The following PLCB4 variants were observed in gnomAD, a reference collection of about 807,000 sequenced individuals.
PLCB4 encodes phospholipase C beta 4.
In PLCB4, 77 loss-of-function variants were observed where a neutral mutation model predicts 178.8. The ratio of observed to expected loss-of-function variants is 0.43; its 90% CI spans 0.36 to 0.52. The LOEUF (loss-of-function observed/expected upper bound fraction) is 0.52. Ranked by LOEUF, PLCB4 falls within the 20% of genes least tolerant of loss-of-function variation. PLCB4 has a pLI of 0.00. For synonymous variants in PLCB4, 496 were observed against 490.8 expected (o/e 1.01, Z -0.14); for missense variants, 1,024 against 1,453.4 (o/e 0.70, Z 4.80).
intron 2 of PLCB4, among the ~76,000 whole-genome samples, chr20:9,200,292 G>A (rs1277639729): frequency 6.6e-6 from 1 of 152,136 alleles, no homozygotes; most frequent in Non-Finnish European, 1.5e-5. Context: ...ACGTCTGAAT[G>A]CAATCCATCA....
At chr20:9,244,794 A>AC (rs2094107279) in intron 3 of PLCB4, among the ~76,000 whole-genome samples, 1 of 152,234 alleles carries the variant, frequency 6.6e-6, no homozygotes, top group Non-Finnish European at 1.5e-5. Context: ...TTGAATTCTG[A>AC]TAGTAAATAG....
At chr20:9,367,465 T>C (rs1207205090) in intron 9 of PLCB4, among the ~76,000 whole-genome samples, 1 of 152,230 alleles carries the variant, frequency 6.6e-6, no homozygotes, top group Non-Finnish European at 1.5e-5. Flanking sequence ...AGATACTTTA[T>C]GCTTATCCTT....
chr20:9,261,108 C>T (rs2094293031), intron 3 of PLCB4, among the ~76,000 whole-genome samples: 1 of 152,108 alleles, frequency 6.6e-6, no homozygotes, highest in Non-Finnish European at 1.5e-5. Context: ...CAGTGTGCTT[C>T]ATTTTCTAAC....
At chr20:9,158,642 A>G (rs1418133928) in intron 2 of PLCB4, among the ~76,000 whole-genome samples, 1 of 151,994 alleles carries the variant, frequency 6.6e-6, no homozygotes, top group African/African-American at 2.4e-5. Flanking sequence ...TCTATCTTAA[A>G]TGGAAAACTA....
intron 2 of PLCB4, among the ~76,000 whole-genome samples, chr20:9,207,291 AAAG>A (rs2093625603): frequency 6.6e-6 from 1 of 152,230 alleles, no homozygotes; most frequent in East Asian, 1.9e-4. Flanking sequence ...AGGACTGATT[AAAG>A]TATAGTTTTA....
At chr20:9,082,706 AC>A (rs1280018779) in intron 1 of PLCB4, among the ~76,000 whole-genome samples, 2 of 152,078 alleles carry the variant, frequency 1.3e-5, no homozygotes, top group Admixed American at 6.6e-5. Flanking sequence ...GACTTTTTGG[AC>A]CTGTGAGGCC....
At position 9,305,070 on chromosome 20, in the gene PLCB4, T is replaced by C. The variant is rs1041798736; in HGVS notation, c.-15-2730T>C. Among the ~76,000 whole-genome samples, 3 of 136,482 alleles carry C rather than the reference T, an allele frequency of 2.2e-5. No homozygotes were observed. In the East Asian group the frequency reaches 7.0e-4, roughly 32 times the overall value. The allele number at this position is 136,482 out of a possible 152,430, so 89.5% of individuals were successfully genotyped here. A position where few individuals can be genotyped will look rare whatever the true frequency, so the allele number is the denominator to read the frequency against. Reference sequence around the variant, plus strand: ...AACATCCCTGCATTTTCAAACTTCTTAGATAGTTTTCAAAATATTTCTGTA... The same window carrying C: ...AACATCCCTGCATTTTCAAACTTCTCAGATAGTTTTCAAAATATTTCTGTA... On this transcript the variant is annotated intron_variant, in intron 3 of 39. Transcript: ENST00000378473.
chr20:9,383,674 G>A (rs976037071), intron 13 of PLCB4, among the ~76,000 whole-genome samples: 1 of 152,188 alleles, frequency 6.6e-6, no homozygotes, highest in African/African-American at 2.4e-5. Flanking sequence ...TTTAAACTCA[G>A]AAGCACCATC....
chr20:9,364,939 G>A (rs1038037132), intron 8 of PLCB4, among the ~76,000 whole-genome samples: 2 of 152,178 alleles, frequency 1.3e-5, no homozygotes, highest in African/African-American at 4.8e-5. Flanking sequence ...GTACTTGGCA[G>A]CACTAGGAGC....
intron 3 of PLCB4, among the ~76,000 whole-genome samples, chr20:9,293,526 A>T (rs2094601624): frequency 6.6e-6 from 1 of 151,998 alleles, no homozygotes; most frequent in Non-Finnish European, 1.5e-5. Flanking sequence ...GAAAGAAGGA[A>T]GGATTAAGTG....
chr20:9,352,892 C>CA (rs2034471794), intron 7 of PLCB4, among the ~76,000 whole-genome samples: 1 of 152,100 alleles, frequency 6.6e-6, no homozygotes, highest in Admixed American at 6.5e-5. Context: ...TTTTTGCTCA[C>CA]ATACTCATTC....
chr20:9,297,324 T>C (rs1175347211), intron 3 of PLCB4, among the ~76,000 whole-genome samples: 2 of 151,882 alleles, frequency 1.3e-5, no homozygotes, highest in Non-Finnish European at 2.9e-5. Context: ...GCTATGAAGA[T>C]GCAAAGGGAT....
chr20:9,467,237 C>G (rs535135629), intron 35 of PLCB4, among the ~76,000 whole-genome samples: 45 of 152,238 alleles, frequency 3.0e-4, no homozygotes, highest in African/African-American at 1.1e-3. Flanking sequence ...AGTGAGAACA[C>G]TTGGACACAG....
intron 1 of PLCB4, among the ~76,000 whole-genome samples, chr20:9,069,801 C>A (rs2089473068): frequency 6.6e-6 from 1 of 152,168 alleles, no homozygotes; most frequent in African/African-American, 2.4e-5. Context: ...ATATGGAATT[C>A]TCTAATTTCC....
intron 25 of PLCB4, among the ~76,000 whole-genome samples, chr20:9,419,424 A>G (rs1233746331): frequency 6.6e-6 from 1 of 152,348 alleles, no homozygotes; most frequent in South Asian, 2.1e-4. Context: ...AATTTAATGC[A>G]TTATTACAAG....
rs1182908508 is a variant in PLCB4, at chr20:9,459,619, C to T, written c.3073-16C>T. 2 of 1,581,930 alleles carry T rather than the reference C, an allele frequency of 1.3e-6. No individual in the cohort carries two copies. The highest frequency in any genetic ancestry group is 1.3e-5 in the African/African-American group (1 of 74,430). The stretch of plus-strand genomic sequence containing the variant: ...TATGAGGATTACAATGGCACCGTCC[C>T]CTTTTTCCCAAACAGGTCAAAGAGA... On this transcript the variant is annotated splice_polypyrimidine_tract_variant and intron_variant, in intron 34 of 39. Coordinates refer to ENST00000378473, the MANE Select transcript of PLCB4 (RefSeq NM_001377142.1).
intron 18 of PLCB4, among the ~76,000 whole-genome samples, chr20:9,395,157 G>A (rs927787725): frequency 6.6e-6 from 1 of 152,110 alleles, no homozygotes; most frequent in African/African-American, 2.4e-5. Context: ...CCCCATAACT[G>A]TTCGTAAACC....
chr20:9,371,293 A>G lies in PLCB4; in HGVS notation c.583A>G (p.Lys195Glu), dbSNP rs1373331462. ...CAAGGAGTTAGGTCTTCCCAGTGGA[A>G]AGGTATGCATTAACTTAATAATGTA... ...ALKELGLPSG[K>E]NDEIEPTAFS... The change falls in exon 10 of 40, where the codon AAG becomes GAG. Residue 195 changes from lysine (K) to glutamate (E), a missense_variant and splice_region_variant. Coordinates refer to ENST00000378473, the MANE Select transcript of PLCB4 (RefSeq NM_001377142.1). The G allele has an allele frequency of 1.3e-6, 2 of 1,549,512 alleles. No homozygotes were observed. The highest frequency in any genetic ancestry group is 1.8e-6 in the Non-Finnish European group (2 of 1,121,622).
chr20:9,097,212 G>T (rs1285468658), intron 2 of PLCB4, among the ~76,000 whole-genome samples: 20 of 151,140 alleles, frequency 1.3e-4, no homozygotes, highest in Admixed American at 1.3e-3. Flanking sequence ...TGGGATTATG[G>T]GTGTGAGCCA....
Sources: gnomAD v4.1 joint callset for allele counts (sites outside exome capture counted in the v4.1 genomes callset) on GRCh38, gnomAD v4.1.1 for gene constraint, MANE v1.5 for transcripts, NCBI Gene and HGNC (gene_info 2026-07-23, HGNC 2026-07-21) for gene names.